CPA6: variants seen among roughly 807,000 people sequenced by gnomAD.
The protein encoded by CPA6 is carboxypeptidase A6, also known as carboxypeptidase B.
Under a neutral mutation model 63.3 loss-of-function variants are expected in CPA6, and 58 were observed. The ratio of observed to expected loss-of-function variants is 0.92; its 90% CI spans 0.74 to 1.14. CPA6 has a LOEUF of 1.14. Ranked by LOEUF, CPA6 falls within the 50% of genes most tolerant of loss-of-function variation. CPA6 has a pLI of 0.00. For missense variants in CPA6, 565 were observed against 526.6 expected, an observed-to-expected ratio of 1.07 and a Z score of -0.71; for synonymous variants, 185 against 179.0, an observed-to-expected ratio of 1.03 and a Z score of -0.27.
At chr8:67,716,151 C>CAAAAAAA (rs56275918) in intron 1 of CPA6, among the ~76,000 whole-genome samples, 1 of 76,548 alleles carries the variant, frequency 1.3e-5, no homozygotes, top group African/African-American at 6.7e-5. Context: ...GAGCTTGTCT[C>CAAAAAAA]AAAAAAAAAA....
At chr8:67,659,509 A>G (rs1297886707) in intron 1 of CPA6, among the ~76,000 whole-genome samples, 2 of 152,222 alleles carry the variant, frequency 1.3e-5, no homozygotes, top group East Asian at 1.9e-4. Context: ...CTGCTTTAAG[A>G]TAGATAAGTC....
intron 1 of CPA6, among the ~76,000 whole-genome samples, chr8:67,736,735 T>C (rs1387239571): frequency 6.6e-6 from 1 of 152,204 alleles, no homozygotes; most frequent in Non-Finnish European, 1.5e-5. Flanking sequence ...TTTCATAGCC[T>C]AGAGGTCTCT....
intron 6 of CPA6, among the ~76,000 whole-genome samples, chr8:67,492,930 GGGGAGAGTGAGCAT>G (rs1811637573): frequency 6.6e-6 from 1 of 152,184 alleles, no homozygotes; most frequent in South Asian, 2.1e-4. Context: ...GAAGGAGATT[GGGGAGAGTGAGCAT>G]GGGAGAACAT....
intron 1 of CPA6, among the ~76,000 whole-genome samples, chr8:67,715,416 T>C (rs1047372642): frequency 6.6e-6 from 1 of 152,362 alleles, no homozygotes; most frequent in African/African-American, 2.4e-5. Flanking sequence ...TTCTCTGCAA[T>C]GTTTGAAGTG....
intron 1 of CPA6, among the ~76,000 whole-genome samples, chr8:67,659,306 C>T (rs1043853249): frequency 2.0e-5 from 3 of 152,334 alleles, no homozygotes; most frequent in Non-Finnish European, 4.4e-5. Flanking sequence ...TTGATTAAAC[C>T]ATGGCTTCCA....
intron 1 of CPA6, among the ~76,000 whole-genome samples, chr8:67,654,758 A>C (rs1241548025): frequency 6.6e-6 from 1 of 152,124 alleles, no homozygotes; most frequent in Non-Finnish European, 1.5e-5. Context: ...AGTGAGGCTG[A>C]AAATGTGGTT....
chr8:67,723,614 A>G (rs1012378204), intron 1 of CPA6, among the ~76,000 whole-genome samples: 4 of 152,160 alleles, frequency 2.6e-5, no homozygotes, highest in Non-Finnish European at 5.9e-5. Flanking sequence ...AAATTAAAAC[A>G]CTTAATTGTT....
intron 1 of CPA6, among the ~76,000 whole-genome samples, chr8:67,642,207 A>G (rs1171588127): frequency 6.6e-6 from 1 of 152,002 alleles, no homozygotes; most frequent in African/African-American, 2.4e-5. Flanking sequence ...AATCCCAGCT[A>G]TTTGGGAGGC....
chr8:67,578,389 A>C (rs536951607), intron 2 of CPA6, among the ~76,000 whole-genome samples: 1 of 152,190 alleles, frequency 6.6e-6, no homozygotes, highest in Non-Finnish European at 1.5e-5. Flanking sequence ...TAACACAATC[A>C]CCTTCCCAAC....
chr8:67,582,406 A>G (rs1482227331), intron 2 of CPA6, among the ~76,000 whole-genome samples: 1 of 152,222 alleles, frequency 6.6e-6, no homozygotes. Context: ...CAAATAATCC[A>G]TAGTATAAGT....
intron 8 of CPA6, among the ~76,000 whole-genome samples, chr8:67,443,496 T>A (rs934316630): frequency 6.6e-6 from 1 of 152,228 alleles, no homozygotes; most frequent in East Asian, 1.9e-4. Context: ...AGTTTTTTTT[T>A]AATCACCACT....
intron 2 of CPA6, among the ~76,000 whole-genome samples, chr8:67,526,906 T>G (rs1345164915): frequency 6.6e-6 from 1 of 152,208 alleles, no homozygotes; most frequent in Non-Finnish European, 1.5e-5. Context: ...TTAGAGGTTT[T>G]GAGAACTTAG....
intron 1 of CPA6, among the ~76,000 whole-genome samples, chr8:67,733,267 C>G (rs1001786955): frequency 1.3e-5 from 2 of 148,324 alleles, no homozygotes; most frequent in Non-Finnish European, 3.0e-5. Context: ...TTGTTAAGCC[C>G]GACTGCTGGG....
intron 2 of CPA6, among the ~76,000 whole-genome samples, chr8:67,544,306 G>A (rs1239330784): frequency 6.6e-6 from 1 of 152,170 alleles, no homozygotes; most frequent in African/African-American, 2.4e-5. Flanking sequence ...AATCCCAGGT[G>A]TACCAATTCA....
Position 67,635,171 on chromosome 8 carries a change from A to G in CPA6, c.117-10920T>C, listed in dbSNP as rs556624665. Among the ~76,000 whole-genome samples, 61 of 151,712 alleles carry G rather than the reference A, an allele frequency of 4.0e-4. 6 individuals carry two copies. The highest frequency in any genetic ancestry group is 1.4e-3 in the African/African-American group (59 of 40,986). ...TTAAAGTGTTGGGTTTACAGGCATGAGCCATTGCACCCAGCCTAGAACTTA... is the reference window on the plus strand; with the variant it reads ...TTAAAGTGTTGGGTTTACAGGCATGGGCCATTGCACCCAGCCTAGAACTTA... On this transcript the variant is annotated intron_variant, in intron 1 of 10. Transcript: ENST00000297770.
At position 67,745,998 on chromosome 8, in the gene CPA6, A is replaced by C; in HGVS notation, c.116+16T>G. The stretch of plus-strand genomic sequence containing the variant: ...CAAATCAAAGCTGTGTAGGGCATGA[A>C]TGTCGCTCCACTTACCCAGCATAGC... On this transcript the variant is annotated intron_variant, in intron 1 of 10. Transcript: ENST00000297770. 3 of 1,593,216 alleles carry C rather than the reference A, an allele frequency of 1.9e-6. No homozygotes were observed. The highest frequency in any genetic ancestry group is 2.2e-5 in the East Asian group (1 of 44,696).
intron 2 of CPA6, among the ~76,000 whole-genome samples, chr8:67,542,972 T>A (rs1409673114): frequency 6.6e-6 from 1 of 152,238 alleles, no homozygotes; most frequent in Admixed American, 6.5e-5. Context: ...ATATTAACCA[T>A]ATCTATATTA....
intron 6 of CPA6, among the ~76,000 whole-genome samples, chr8:67,498,535 CAAAAAAAAAAAAA>C (rs397940852): frequency 5.4e-4 from 18 of 33,190 alleles, no homozygotes; most frequent in African/African-American, 1.0e-3. Flanking sequence ...GACTCCATCT[CAAAAAAAAAAAAA>C]AAAAAAAAAA....
intron 1 of CPA6, among the ~76,000 whole-genome samples, chr8:67,631,868 C>T (rs1023338512): frequency 3.1e-4 from 47 of 152,018 alleles, no homozygotes; most frequent in African/African-American, 1.0e-3. Context: ...TAACACTCAC[C>T]GCAAAGGTCT....
Sources: allele counts gnomAD v4.1 joint callset (sites outside exome capture counted in the v4.1 genomes callset), GRCh38; gene constraint gnomAD v4.1.1; transcripts MANE v1.5; gene names NCBI Gene and HGNC (gene_info 2026-07-23, HGNC 2026-07-21).